The following GRID2 variants were observed in gnomAD, a reference collection of about 807,000 sequenced individuals.
The protein encoded by GRID2 is glutamate receptor ionotropic, delta-2.
A neutral mutation model predicts 114.8 loss-of-function variants in GRID2; 33 were observed. The ratio of observed to expected loss-of-function variants is 0.29; its 90% CI spans 0.22 to 0.38. GRID2 has a LOEUF of 0.38. Among genes scored for constraint, GRID2 ranks in the 10% least tolerant of loss-of-function variants. The pLI, the probability that GRID2 is intolerant of heterozygous loss-of-function variation, is 1.00. For synonymous variants in GRID2, 505 were observed against 449.9 expected, an observed-to-expected ratio of 1.12 and a Z score of -1.55; for missense variants, 1,184 against 1,257.7, an observed-to-expected ratio of 0.94 and a Z score of 0.89.
At chr4:92,601,886 C>T (rs1729231669) in intron 2 of GRID2, among the ~76,000 whole-genome samples, 1 of 152,048 alleles carries the variant, frequency 6.6e-6, no homozygotes, top group South Asian at 2.1e-4. Flanking sequence ...ATAAACACCT[C>T]TATGCAAATA....
At chr4:93,531,275 A>G (rs746933355) in intron 13 of GRID2, among the ~76,000 whole-genome samples, 1 of 152,158 alleles carries the variant, frequency 6.6e-6, no homozygotes, top group Admixed American at 6.6e-5. Flanking sequence ...TGGGATCAGC[A>G]TTGCTTATCT....
intron 2 of GRID2, among the ~76,000 whole-genome samples, chr4:92,986,527 C>T (rs560393796): frequency 6.6e-6 from 1 of 152,170 alleles, no homozygotes; most frequent in East Asian, 1.9e-4. Context: ...TTACTTCCTC[C>T]CAACCCTAGA....
chr4:93,768,451 C>A (rs886946781), intron 14 of GRID2, among the ~76,000 whole-genome samples: 8 of 152,286 alleles, frequency 5.3e-5, no homozygotes, highest in Admixed American at 3.9e-4. Context: ...TGCAGCTACC[C>A]TCAGACTCTG....
intron 2 of GRID2, among the ~76,000 whole-genome samples, chr4:93,082,806 T>G (rs1431991098): frequency 6.6e-6 from 1 of 152,162 alleles, no homozygotes; most frequent in African/African-American, 2.4e-5. Flanking sequence ...CAAAATTAAC[T>G]GGTTTTAGTA....
chr4:93,247,047 A>G (rs1748294940), intron 8 of GRID2, among the ~76,000 whole-genome samples: 2 of 152,170 alleles, frequency 1.3e-5, no homozygotes, highest in Non-Finnish European at 2.9e-5. Context: ...TACCTCAGGT[A>G]AGCAGCATTC....
At chr4:92,875,000 A>C (rs1358913053) in intron 2 of GRID2, among the ~76,000 whole-genome samples, 4 of 152,260 alleles carry the variant, frequency 2.6e-5, no homozygotes, top group African/African-American at 9.6e-5. Context: ...TGTATCCATA[A>C]AATCAGTAAC....
chr4:93,408,986 G>A (rs2149349704), intron 9 of GRID2, among the ~76,000 whole-genome samples: 1 of 152,276 alleles, frequency 6.6e-6, no homozygotes, highest in South Asian at 2.1e-4. Context: ...GCCAGTGGCT[G>A]AAATAGTGAG....
chr4:92,883,143 A>G (rs1272470970), intron 2 of GRID2, among the ~76,000 whole-genome samples: 1 of 152,238 alleles, frequency 6.6e-6, no homozygotes, highest in Non-Finnish European at 1.5e-5. Flanking sequence ...TTTATGTAAT[A>G]TTTGAAATCC....
chr4:93,442,292 T>G (rs1721696825), intron 10 of GRID2, among the ~76,000 whole-genome samples: 1 of 152,046 alleles, frequency 6.6e-6, no homozygotes, highest in Non-Finnish European at 1.5e-5. Context: ...TCCTGTATTC[T>G]TTGCCCATAA....
chr4:92,588,261 C>T (rs1728544546), intron 1 of GRID2, among the ~76,000 whole-genome samples: 1 of 151,898 alleles, frequency 6.6e-6, no homozygotes, highest in African/African-American at 2.4e-5. Context: ...TTATCTGGTT[C>T]AGAAAAGACA....
intron 14 of GRID2, among the ~76,000 whole-genome samples, chr4:93,700,579 G>A (rs2110137935): frequency 6.6e-6 from 1 of 152,222 alleles, no homozygotes; most frequent in South Asian, 2.1e-4. Flanking sequence ...TCTAAAATGA[G>A]GTAACTCTAG....
intron 7 of GRID2, among the ~76,000 whole-genome samples, chr4:93,233,573 C>T (rs1323984816): frequency 6.6e-6 from 1 of 151,926 alleles, no homozygotes; most frequent in Admixed American, 6.6e-5. Context: ...GAACTCCTGA[C>T]CTCAGGTGAT....
chr4:92,961,759 C>CT (rs1403249027), intron 2 of GRID2, among the ~76,000 whole-genome samples: 1 of 149,644 alleles, frequency 6.7e-6, no homozygotes, highest in Non-Finnish European at 1.5e-5. Context: ...AATATTTCTT[C>CT]TCTTTTTTTT....
At chr4:93,171,943 A>G (rs572141963) in intron 4 of GRID2, among the ~76,000 whole-genome samples, 1 of 152,328 alleles carries the variant, frequency 6.6e-6, no homozygotes, top group African/African-American at 2.4e-5. Context: ...ATAGCTCTAA[A>G]GCCAACTTGT....
In GRID2 at chr4:92,791,756, C is replaced by T. The variant is rs559615323; in HGVS notation, c.244+201470C>T. On this transcript the variant is annotated intron_variant, in intron 2 of 15. Coordinates refer to ENST00000282020, the MANE Select transcript of GRID2 (RefSeq NM_001510.4). The stretch of plus-strand genomic sequence containing the variant: ...GAGATATGCAATCAATACCCTGAGA[C>T]AGCAGTAACCCTTTCTTTAGGCAGA... 2.0e-5 allele frequency among the ~76,000 whole-genome samples: 3 copies of T among 151,924 alleles called. No homozygotes were observed. The Middle Eastern group carries it at 0.01, about 517-fold the overall frequency.
intron 5 of GRID2, among the ~76,000 whole-genome samples, chr4:93,213,529 G>GA (rs1218522816): frequency 6.6e-6 from 1 of 152,038 alleles, no homozygotes; most frequent in Admixed American, 6.5e-5. Flanking sequence ...AACATTTATT[G>GA]AATACCTACT....
chr4:93,222,413 T>C (rs1440588600), intron 6 of GRID2, among the ~76,000 whole-genome samples: 1 of 151,516 alleles, frequency 6.6e-6, no homozygotes, highest in African/African-American at 2.4e-5. Context: ...TGGAGAAAGG[T>C]AAGGAGATAG....
chr4:92,989,170 G>A (rs1289920461), intron 2 of GRID2, among the ~76,000 whole-genome samples: 9 of 150,694 alleles, frequency 6.0e-5, no homozygotes, highest in Admixed American at 1.3e-4. Context: ...CCAGCTACTC[G>A]GGAGGCTGAG....
chr4:93,566,666 AG>A (rs1176175507), intron 13 of GRID2, among the ~76,000 whole-genome samples: 1 of 152,058 alleles, frequency 6.6e-6, no homozygotes, highest in Non-Finnish European at 1.5e-5. Context: ...GCTACTTGGG[AG>A]GCTGAGGTAT....
Sources: gnomAD v4.1 joint callset for allele counts (sites outside exome capture counted in the v4.1 genomes callset) on GRCh38, gnomAD v4.1.1 for gene constraint, MANE v1.5 for transcripts, NCBI Gene and HGNC (gene_info 2026-07-23, HGNC 2026-07-21) for gene names.